The following UBTD2 variants were observed in gnomAD, a reference collection of about 807,000 sequenced individuals.
The protein encoded by UBTD2 is ubiquitin domain-containing protein 2.
Under a neutral mutation model 19.8 loss-of-function variants are expected in UBTD2, and 9 were observed. The observed-to-expected ratio is 0.46, with a 90% confidence interval of 0.27 to 0.79. UBTD2 has a LOEUF of 0.79. Ranked by LOEUF, UBTD2 falls within the 30% of genes least tolerant of loss-of-function variation. The pLI is 0.14. For synonymous variants in UBTD2, 98 were observed against 103.9 expected, an observed-to-expected ratio of 0.94 and a Z score of 0.35; for missense variants, 250 against 300.4, an observed-to-expected ratio of 0.83 and a Z score of 1.24.
chr5:172,225,189 G>A (rs911564865), intron 2 of UBTD2, among the ~76,000 whole-genome samples: 8 of 152,104 alleles, frequency 5.3e-5, no homozygotes, highest in African/African-American at 1.9e-4. Flanking sequence ...CCCAGGCCAG[G>A]AAGCCCTGAA....
At chr5:172,219,906 C>G (rs1299707235) in intron 2 of UBTD2, among the ~76,000 whole-genome samples, 1 of 152,208 alleles carries the variant, frequency 6.6e-6, no homozygotes, top group Non-Finnish European at 1.5e-5. Flanking sequence ...TCCACAGTTT[C>G]AAGCATCCAC....
chr5:172,263,391 G>A (rs1024363878), intron 1 of UBTD2, among the ~76,000 whole-genome samples: 1 of 152,266 alleles, frequency 6.6e-6, no homozygotes, highest in South Asian at 2.1e-4. Flanking sequence ...GACAGTAGTT[G>A]TGAAATATAT....
rs1223843417 is a variant in UBTD2 at position 172,209,744 on chromosome 5, T to A, written c.*2086A>T. The A allele has an allele frequency of 6.6e-6, 1 of 152,442 alleles. No individual in the cohort carries two copies. Among genetic ancestry groups the A allele is most frequent in the Non-Finnish European group, 1.5e-5 (1 of 67,984 alleles). 9.4% of individuals were successfully genotyped at this position (152,442 alleles called of 1,614,324 possible). A position where few individuals can be genotyped will look rare whatever the true frequency, so the allele number is the denominator to read the frequency against. On this transcript the variant is annotated 3_prime_UTR_variant, in exon 3 of 3. Transcript: ENST00000393792. Reference sequence around the variant, plus strand: ...TGGTCCAATCTTATATCAATCTATTTACAATTAAACAGCACCATGGTTTTC... The same window carrying A: ...TGGTCCAATCTTATATCAATCTATTAACAATTAAACAGCACCATGGTTTTC...
chr5:172,228,392 A>G (rs530479435), intron 2 of UBTD2, among the ~76,000 whole-genome samples: 1 of 152,260 alleles, frequency 6.6e-6, no homozygotes, highest in South Asian at 2.1e-4. Context: ...GGACTGTTGT[A>G]GGTGATTATT....
chr5:172,252,935 A>G (rs143836825), intron 1 of UBTD2, among the ~76,000 whole-genome samples: 42 of 152,354 alleles, frequency 2.8e-4, no homozygotes, highest in African/African-American at 9.9e-4. Flanking sequence ...AAAGAAAAAG[A>G]TATTTTGAAG....
intron 2 of UBTD2, among the ~76,000 whole-genome samples, chr5:172,232,450 T>C (rs1451952937): frequency 3.9e-5 from 6 of 152,016 alleles, no homozygotes; most frequent in African/African-American, 1.4e-4. Flanking sequence ...CAGAAGACTA[T>C]GCTAATAAAC....
chr5:172,240,536 T>G (rs1482134387), intron 1 of UBTD2, among the ~76,000 whole-genome samples: 2 of 152,154 alleles, frequency 1.3e-5, no homozygotes, highest in Admixed American at 6.5e-5. Context: ...GCCCTGATTC[T>G]CAGAGTGTAA....
intron 2 of UBTD2, among the ~76,000 whole-genome samples, chr5:172,227,207 C>T (rs1406076683): frequency 6.6e-6 from 1 of 152,158 alleles, no homozygotes; most frequent in Non-Finnish European, 1.5e-5. Context: ...CAGAGACAAG[C>T]CTTCTGACTC....
chr5:172,243,925 T>C (rs907754486), intron 1 of UBTD2, among the ~76,000 whole-genome samples: 7 of 152,096 alleles, frequency 4.6e-5, no homozygotes, highest in Admixed American at 3.3e-4. Flanking sequence ...TGCACTATTT[T>C]TCAAGACATG....
At chr5:172,253,607 C>T (rs1328338314) in intron 1 of UBTD2, among the ~76,000 whole-genome samples, 4 of 152,092 alleles carry the variant, frequency 2.6e-5, no homozygotes, top group Non-Finnish European at 4.4e-5. Context: ...GCACGCGCCA[C>T]CACGCCCAGC....
At chr5:172,224,975 C>A (rs905563645) in intron 2 of UBTD2, among the ~76,000 whole-genome samples, 3 of 152,172 alleles carry the variant, frequency 2.0e-5, no homozygotes, top group Non-Finnish European at 2.9e-5. Context: ...GTTTTAATTA[C>A]CACCCACTGG....
chr5:172,225,982 T>C (rs1248773900), intron 2 of UBTD2, among the ~76,000 whole-genome samples: 4 of 132,804 alleles, frequency 3.0e-5, no homozygotes, highest in African/African-American at 8.6e-5. Flanking sequence ...CTGTTGCCCA[T>C]GCTGGAGGAG....
intron 1 of UBTD2, among the ~76,000 whole-genome samples, chr5:172,245,879 C>A (rs1327171609): frequency 6.6e-6 from 1 of 152,202 alleles, no homozygotes; most frequent in Non-Finnish European, 1.5e-5. Flanking sequence ...CTGAACCTAG[C>A]AGGATTGATT....
At chr5:172,280,151 T>G (rs1459364899) in intron 1 of UBTD2, among the ~76,000 whole-genome samples, 1 of 151,418 alleles carries the variant, frequency 6.6e-6, no homozygotes, top group Non-Finnish European at 1.5e-5. Context: ...CATGGAAGCT[T>G]AGAACTGTTA....
At position 172,274,313 on chromosome 5, in the gene UBTD2, G is replaced by T. The variant is rs186558515; in HGVS notation, c.70+9283C>A. 8.3e-3 allele frequency among the ~76,000 whole-genome samples: 1,257 copies of T among 151,702 alleles called. 25 individuals are homozygous for T. Among genetic ancestry groups the T allele is most frequent in the African/African-American group, 0.029 (1,216 of 41,390 alleles). ...GTGCCACCATGCCCAGCTAATTTTT[G>T]TATTTTTAGCAGAGACAGGCTTTCA... On this transcript the variant is annotated intron_variant, in intron 1 of 2. Coordinates refer to ENST00000393792, the MANE Select transcript of UBTD2 (RefSeq NM_152277.3).
At chr5:172,248,254 A>G (rs563623549) in intron 1 of UBTD2, among the ~76,000 whole-genome samples, 1 of 152,296 alleles carries the variant, frequency 6.6e-6, no homozygotes, top group Admixed American at 6.5e-5. Flanking sequence ...GCCTCAAGGA[A>G]CCAAAAAAGA....
intron 1 of UBTD2, among the ~76,000 whole-genome samples, chr5:172,274,179 C>T (rs949267147): frequency 1.4e-5 from 2 of 140,190 alleles, no homozygotes; most frequent in Admixed American, 7.8e-5. Flanking sequence ...CTCGCTGTGT[C>T]GCCAGGCTTG....
chr5:172,214,155 C>T (rs577101145), intron 2 of UBTD2, among the ~76,000 whole-genome samples: 1 of 152,324 alleles, frequency 6.6e-6, no homozygotes, highest in African/African-American at 2.4e-5. Flanking sequence ...AATATGGTAT[C>T]AGCTTATTAT....
chr5:172,274,126 T>A (rs979894336), intron 1 of UBTD2, among the ~76,000 whole-genome samples: 8 of 140,210 alleles, frequency 5.7e-5, no homozygotes, highest in Non-Finnish European at 1.2e-4. Context: ...CATGCTCAAT[T>A]TTGCTTTACT....
Sources: allele counts gnomAD v4.1 joint callset (sites outside exome capture counted in the v4.1 genomes callset), GRCh38; gene constraint gnomAD v4.1.1; transcripts MANE v1.5; gene names NCBI Gene and HGNC (gene_info 2026-07-23, HGNC 2026-07-21).